The following TECRL variants were observed in gnomAD, a reference collection of about 807,000 sequenced individuals.
TECRL encodes trans-2,3-enoyl-CoA reductase-like.
In TECRL, 63 loss-of-function variants were observed where a neutral mutation model predicts 52.8. The observed-to-expected ratio is 1.19, with a 90% CI of 0.97 to 1.47. TECRL has a LOEUF of 1.47. Ranked by LOEUF, TECRL falls within the 40% of genes most tolerant of loss-of-function variation. The probability of loss-of-function intolerance (pLI) is 0.00; values close to 1 mark genes in which losing one functional copy is unlikely to be tolerated. For synonymous variants in TECRL, 164 were observed against 141.9 expected (o/e 1.16, Z -1.10); for missense variants, 482 against 429.6 (o/e 1.12, Z -1.08).
chr4:64,403,594 C>T (rs1344800208), intron 1 of TECRL, among the ~76,000 whole-genome samples: 2 of 151,726 alleles, frequency 1.3e-5, no homozygotes, highest in Non-Finnish European at 2.9e-5. Context: ...ATAACTTCTC[C>T]AGGAAAGCCT....
intron 1 of TECRL, among the ~76,000 whole-genome samples, chr4:64,407,768 T>A (rs2109801263): frequency 6.6e-6 from 1 of 150,852 alleles, no homozygotes; most frequent in Non-Finnish European, 1.5e-5. Context: ...TGAAGAGTAA[T>A]TTTATTTTTT....
intron 9 of TECRL, among the ~76,000 whole-genome samples, chr4:64,283,798 T>A (rs1560468846): frequency 6.6e-6 from 1 of 152,118 alleles, no homozygotes; most frequent in Non-Finnish European, 1.5e-5. Flanking sequence ...ATCTAGGTTT[T>A]CATAAATTCC....
intron 1 of TECRL, among the ~76,000 whole-genome samples, chr4:64,379,139 T>G (rs1466197775): frequency 6.6e-6 from 1 of 152,036 alleles, no homozygotes; most frequent in African/African-American, 2.4e-5. Context: ...TGAATAATGC[T>G]CTTTTATATG....
intron 1 of TECRL, among the ~76,000 whole-genome samples, chr4:64,405,358 G>T (rs1433643309): frequency 6.6e-6 from 1 of 152,058 alleles, no homozygotes; most frequent in Non-Finnish European, 1.5e-5. Flanking sequence ...GAAGTAGAAG[G>T]GTTGATATAT....
At chr4:64,351,294 C>CTT (rs71203163) in intron 2 of TECRL, among the ~76,000 whole-genome samples, 20 of 149,812 alleles carry the variant, frequency 1.3e-4, no homozygotes, top group Admixed American at 4.7e-4. Context: ...GAAAAGGGAA[C>CTT]TTTTTTTTTG....
intron 2 of TECRL, among the ~76,000 whole-genome samples, chr4:64,352,536 A>G (rs1720470660): frequency 6.6e-6 from 1 of 152,238 alleles, no homozygotes; most frequent in Non-Finnish European, 1.5e-5. Flanking sequence ...AAGTAAGAAC[A>G]GTAAAGGGCA....
At chr4:64,284,188 T>C (rs1425193001) in intron 9 of TECRL, among the ~76,000 whole-genome samples, 1 of 152,040 alleles carries the variant, frequency 6.6e-6, no homozygotes, top group African/African-American at 2.4e-5. Flanking sequence ...CCTCTAAGAT[T>C]GTACAAACAC....
chr4:64,300,052 C>A (rs1352558769), intron 7 of TECRL, 35 bp from the exon 8 acceptor site: 1 of 1,512,970 alleles, frequency 6.6e-7, no homozygotes, highest in Non-Finnish European at 8.9e-7. Context: ...CATGCAGATA[C>A]TCATAGTTTG....
chr4:64,324,681 A>G (rs368254717), intron 3 of TECRL, among the ~76,000 whole-genome samples: 1 of 152,132 alleles, frequency 6.6e-6, no homozygotes, highest in Non-Finnish European at 1.5e-5. Context: ...ATGTTAATGT[A>G]TATGGTTCTC....
intron 9 of TECRL, among the ~76,000 whole-genome samples, chr4:64,283,441 G>T (rs139581082): frequency 6.6e-6 from 1 of 152,056 alleles, no homozygotes; most frequent in African/African-American, 2.4e-5. Flanking sequence ...GGTTCAGACA[G>T]ACAGCTAATG....
chr4:64,345,931 A>AAAAAAAAAAAAAT (rs1560516770), intron 2 of TECRL, among the ~76,000 whole-genome samples: 1 of 147,554 alleles, frequency 6.8e-6, no homozygotes, highest in Non-Finnish European at 1.5e-5. Context: ...AAAAAAAAAA[A>AAAAAAAAAAAAAT]CATTTATCAT....
At chr4:64,341,527 G>A (rs939066863) in intron 2 of TECRL, among the ~76,000 whole-genome samples, 1 of 152,120 alleles carries the variant, frequency 6.6e-6, no homozygotes, top group African/African-American at 2.4e-5. Flanking sequence ...TTGAACCTGG[G>A]AGGTGGAGGT....
chr4:64,374,771 A>G (rs974607535), intron 2 of TECRL, among the ~76,000 whole-genome samples: 8 of 152,080 alleles, frequency 5.3e-5, no homozygotes, highest in African/African-American at 1.7e-4. Context: ...ATAGTATTCC[A>G]TGGTGTGTAT....
At position 64,314,590 on chromosome 4, in the gene TECRL, G is replaced by GGTGT. The variant is rs5858876; in HGVS notation, c.551+54_551+57dup. On this transcript the variant is annotated intron_variant, in intron 5 of 11. Transcript: ENST00000381210. ...AGTTCATCCCCTCCTTAACGTGTATGGTGTGTGTGTGTGTGTGTGTGTGTG... is the reference window on the plus strand; with the variant it reads ...AGTTCATCCCCTCCTTAACGTGTATGGTGTGTGTGTGTGTGTGTGTGTGTGTGTG... 736 of 745,940 alleles carry GGTGT rather than the reference G, an allele frequency of 9.9e-4. 6 individuals are homozygous for GGTGT. The African/African-American group carries it at 0.011, about 11-fold the overall frequency. The allele number at this position is 745,940 out of a possible 1,614,324, so 46.2% of individuals were successfully genotyped here.
chr4:64,304,696 A>G (rs750752116), intron 7 of TECRL, among the ~76,000 whole-genome samples: 81 of 152,084 alleles, frequency 5.3e-4, no homozygotes, highest in Non-Finnish European at 2.2e-4. Context: ...TGTACATTCA[A>G]CCAAATGTTT....
intron 9 of TECRL, among the ~76,000 whole-genome samples, chr4:64,284,322 C>G (rs1006471482): frequency 6.6e-6 from 1 of 151,906 alleles, no homozygotes; most frequent in African/African-American, 2.4e-5. Flanking sequence ...AATAGGAATC[C>G]TAGAGCAGAT....
chr4:64,400,457 G>C (rs1724275551), intron 1 of TECRL, among the ~76,000 whole-genome samples: 1 of 152,138 alleles, frequency 6.6e-6, no homozygotes, highest in Non-Finnish European at 1.5e-5. Flanking sequence ...TATTGGGAAG[G>C]CATGATGGTA....
Position 64,279,892 on chromosome 4 carries a change from T to C in TECRL, c.*180A>G. ...CTTAGTTAATTGCATTTATAATTTATACTTTTTATTACCATGTGCATTTCT... is the reference window on the plus strand; with the variant it reads ...CTTAGTTAATTGCATTTATAATTTACACTTTTTATTACCATGTGCATTTCT... On this transcript the variant is annotated 3_prime_UTR_variant, in exon 12 of 12. Coordinates refer to ENST00000381210, the MANE Select transcript of TECRL (RefSeq NM_001010874.5). 8.6e-7 allele frequency: 1 copy of C among 1,167,280 alleles called. No homozygotes were observed. The allele number at this position is 1,167,280 out of a possible 1,614,324, so 72.3% of individuals were successfully genotyped here.
At chr4:64,339,394 A>G (rs1025240316) in intron 2 of TECRL, among the ~76,000 whole-genome samples, 9 of 152,008 alleles carry the variant, frequency 5.9e-5, no homozygotes, top group African/African-American at 2.2e-4. Flanking sequence ...ATACATATGT[A>G]AGAAACCTGC....
Sources: gnomAD v4.1 joint callset for allele counts (sites outside exome capture counted in the v4.1 genomes callset) on GRCh38, gnomAD v4.1.1 for gene constraint, MANE v1.5 for transcripts, NCBI Gene and HGNC (gene_info 2026-07-23, HGNC 2026-07-21) for gene names.